Variants in PPARGC1B observed in about 807,000 individuals in gnomAD.
PPARGC1B encodes PPARG coactivator 1 beta, also known as peroxisome proliferator-activated receptor gamma coactivator 1-beta.
PPARGC1B carries 34 observed loss-of-function variants against 101.6 expected under a neutral mutation model. The ratio of observed to expected loss-of-function variants is 0.33; its 90% CI spans 0.25 to 0.45. The LOEUF (loss-of-function observed/expected upper bound fraction) is 0.45. PPARGC1B is among the 20% of genes least tolerant of loss of function. The pLI is 1.00. For missense variants in PPARGC1B, 1,234 were observed against 1,317.6 expected (o/e 0.94, Z 0.98); for synonymous variants, 548 against 539.3 (o/e 1.02, Z -0.22).
rs1561622905 is a variant in PPARGC1B, at chr5:149,836,758, T to C, written c.2303T>C (p.Phe768Ser). 6.2e-7 allele frequency: 1 copy of C among 1,613,636 alleles called. No individual in the cohort carries two copies. Among genetic ancestry groups the C allele is most frequent in the South Asian group, 1.1e-5 (1 of 91,084 alleles). ...HEIRASLTKH[F>S]GLLETALEEE... is the part of the protein sequence containing the mutation. ...ATCCGTGCCAGCCTCACCAAACACT[T>C]TGGGCTGCTGGAGACCGCCCTGGAG... The change falls in exon 8 of 12, where the codon TTT (phenylalanine) becomes TCT (serine). Residue 768 changes from phenylalanine to serine, a missense_variant. Transcript: ENST00000309241.
chr5:149,837,019 G>T lies in PPARGC1B; in HGVS notation c.2564G>T (p.Ser855Ile). 6.2e-7 allele frequency: 1 copy of T among 1,613,836 alleles called. No individual in the cohort carries two copies. Among genetic ancestry groups the T allele is most frequent in the Non-Finnish European group, 8.5e-7 (1 of 1,180,022 alleles). ...CAGCTCTGTTCCCGCAGCCGCTCAA[G>T]CTCTGGCTCTTCACCCTGCCACTCC... Reference protein sequence around the residue: ...NRQLCSRSRSSSGSSPCHSWS... With the variant: ...NRQLCSRSRSISGSSPCHSWS... The change falls in exon 8 of 12, where the codon AGC becomes ATC. Residue 855 changes from serine (S) to isoleucine (I), a missense_variant. Physicochemically the swap from Ser to Ile is moderately radical, Grantham distance 142. Coordinates refer to ENST00000309241, the MANE Select transcript of PPARGC1B (RefSeq NM_133263.4). The surrounding 1 kb of genome is among the most constrained non-coding windows in gnomAD (Gnocchi z 4.2).
chr5:149,827,994 G>A (rs1043644720), intron 3 of PPARGC1B, among the ~76,000 whole-genome samples: 2 of 152,166 alleles, frequency 1.3e-5, no homozygotes, highest in Non-Finnish European at 1.5e-5. Context: ...GGGTTCTTAG[G>A]TTATGGAGAG....
intron 1 of PPARGC1B, among the ~76,000 whole-genome samples, chr5:149,756,575 C>G (rs1032266840): frequency 6.6e-6 from 1 of 152,230 alleles, no homozygotes; most frequent in African/African-American, 2.4e-5. Flanking sequence ...GAAGCAGCAT[C>G]CCTGGCCTCG....
chr5:149,839,547 G>A (rs1262350570), intron 8 of PPARGC1B, among the ~76,000 whole-genome samples: 1 of 152,184 alleles, frequency 6.6e-6, no homozygotes, highest in Admixed American at 6.5e-5. Flanking sequence ...GCTGAGGCAT[G>A]AACCCAAAGG....
At chr5:149,789,830 A>G (rs1452346753) in intron 1 of PPARGC1B, among the ~76,000 whole-genome samples, 1 of 152,182 alleles carries the variant, frequency 6.6e-6, no homozygotes, top group African/African-American at 2.4e-5. Context: ...CTTGTTCAGG[A>G]ACTGCCTTAT....
chr5:149,840,925 T>A (rs1415923547), intron 9 of PPARGC1B, among the ~76,000 whole-genome samples: 52 of 152,272 alleles, frequency 3.4e-4, no homozygotes, highest in African/African-American at 1.3e-3. Flanking sequence ...ACACAGGTCC[T>A]TAAAACCGTG....
downstream of PPARGC1B, among the ~76,000 whole-genome samples, chr5:149,856,758 T>TCAAGCTG (rs1759962843): frequency 1.0e-4 from 15 of 150,432 alleles, no homozygotes; most frequent in South Asian, 3.0e-3. Context: ...GGTTCTGGTG[T>TCAAGCTG]CAAGCTGCTT....
chr5:149,805,377 A>T (rs1158616061), intron 1 of PPARGC1B, among the ~76,000 whole-genome samples: 1 of 152,242 alleles, frequency 6.6e-6, no homozygotes, highest in Non-Finnish European at 1.5e-5. Context: ...TAGAGAATTC[A>T]CATGCAAGAT....
At chr5:149,739,612 C>T (rs1020551325) in intron 1 of PPARGC1B, among the ~76,000 whole-genome samples, 4 of 152,058 alleles carry the variant, frequency 2.6e-5, no homozygotes, top group African/African-American at 7.2e-5. Flanking sequence ...TCAGGTCTTG[C>T]GAGGTGCGGT....
rs879757678 is a variant in PPARGC1B, at chr5:149,797,552, CTTT to C, written c.79-22876_79-22874del. Reference sequence around the variant, plus strand: ...TAAGGAAACACTACCATAACAGATTCTTTTTTTATTATTTTGTAAATATATTTT... The same window carrying C: ...TAAGGAAACACTACCATAACAGATTCTTTTATTATTTTGTAAATATATTTT... On this transcript the variant is annotated intron_variant, in intron 1 of 11. Coordinates refer to ENST00000309241, the MANE Select transcript of PPARGC1B (RefSeq NM_133263.4). 1.2e-4 allele frequency among the ~76,000 whole-genome samples: 19 copies of C among 152,100 alleles called. 1 individual carries two copies. The highest frequency in any genetic ancestry group is 1.3e-4 in the Non-Finnish European group (9 of 68,006).
At chr5:149,781,489 T>C (rs1323094059) in intron 1 of PPARGC1B, among the ~76,000 whole-genome samples, 1 of 152,206 alleles carries the variant, frequency 6.6e-6, no homozygotes, top group Non-Finnish European at 1.5e-5. Context: ...TCAGTCTTCT[T>C]GTCCAGATCA....
chr5:149,758,973 T>C (rs1337153985), intron 1 of PPARGC1B, among the ~76,000 whole-genome samples: 1 of 152,188 alleles, frequency 6.6e-6, no homozygotes, highest in Non-Finnish European at 1.5e-5. Context: ...TACAAAAGAA[T>C]TAAATCTTTG....
intron 1 of PPARGC1B, among the ~76,000 whole-genome samples, chr5:149,798,322 T>C (rs552991592): frequency 6.6e-6 from 1 of 152,386 alleles, no homozygotes; most frequent in South Asian, 2.1e-4. Context: ...TTCTAGTCTC[T>C]AACACGCCCT....
chr5:149,824,271 C>T (rs1422076522), intron 2 of PPARGC1B, among the ~76,000 whole-genome samples: 1 of 151,936 alleles, frequency 6.6e-6, no homozygotes, highest in Non-Finnish European at 1.5e-5. Flanking sequence ...ATTCTCAGTT[C>T]GTGCAGTGCT....
At position 149,751,197 on chromosome 5, in the gene PPARGC1B, G is replaced by T. The variant is rs1197262823; in HGVS notation, c.78+20777G>T. ...GGACTAATTTGTCAGAGAAAGTAAG[G>T]TTATCCCCACCCTGCCACTTAGCAG... On this transcript the variant is annotated intron_variant, in intron 1 of 11. Coordinates refer to ENST00000309241, the MANE Select transcript of PPARGC1B (RefSeq NM_133263.4). Among the ~76,000 whole-genome samples the T allele has an allele frequency of 2.6e-5, 4 of 152,192 alleles. No homozygotes were observed. The East Asian group carries it at 7.7e-4, about 29-fold the overall frequency.
At chr5:149,819,772 G>A (rs1024939973) in intron 1 of PPARGC1B, among the ~76,000 whole-genome samples, 7 of 152,158 alleles carry the variant, frequency 4.6e-5, no homozygotes, top group Non-Finnish European at 1.0e-4. Flanking sequence ...CAAATTGTTG[G>A]GATTACAGGC....
At position 149,826,656 on chromosome 5, in the gene PPARGC1B, C is replaced by T. The variant is rs186399949; in HGVS notation, c.253-17C>T. 471 of 1,604,098 alleles carry T rather than the reference C, an allele frequency of 2.9e-4. 2 individuals carry two copies. The African/African-American group carries it at 5.5e-3, about 19-fold the overall frequency. On this transcript the variant is annotated splice_polypyrimidine_tract_variant and intron_variant, in intron 2 of 11. Transcript: ENST00000309241. ...TCCCCATCTGCCTTTCTGACCCTCC[C>T]GCCCTCCTCACTCCAGATTGACAGT...
At chr5:149,835,960 T>G (rs1352467164) in intron 7 of PPARGC1B, among the ~76,000 whole-genome samples, 1 of 143,532 alleles carries the variant, frequency 7.0e-6, no homozygotes, top group Non-Finnish European at 1.5e-5. Context: ...TTTTTTTTCT[T>G]TTTTTTTTTT....
At chr5:149,781,433 C>T (rs1274324113) in intron 1 of PPARGC1B, among the ~76,000 whole-genome samples, 1 of 152,156 alleles carries the variant, frequency 6.6e-6, no homozygotes, top group East Asian at 1.9e-4. Context: ...CCTCCCCATG[C>T]CTCAGTTTCC....
Sources: allele counts gnomAD v4.1 joint callset (sites outside exome capture counted in the v4.1 genomes callset), GRCh38; gene constraint gnomAD v4.1.1; non-coding constraint Gnocchi (gnomAD v3.1); transcripts MANE v1.5; gene names NCBI Gene and HGNC (gene_info 2026-07-23, HGNC 2026-07-21).